The following ARHGEF18 variants were observed in gnomAD, a reference collection of about 807,000 sequenced individuals.
The protein encoded by ARHGEF18 is rho guanine nucleotide exchange factor 18.
ARHGEF18 carries 93 observed loss-of-function variants against 155.7 expected under a neutral mutation model. The ratio of observed to expected loss-of-function variants is 0.60; its 90% confidence interval spans 0.50 to 0.71. The LOEUF is 0.71. Ranked by LOEUF, ARHGEF18 falls within the 30% of genes least tolerant of loss-of-function variation. The pLI is 0.00. For synonymous variants in ARHGEF18, 742 were observed against 753.1 expected, an observed-to-expected ratio of 0.99 and a Z score of 0.24; for missense variants, 1,593 against 1,816.1, an observed-to-expected ratio of 0.88 and a Z score of 2.23.
chr19:7,359,074 T>C (rs1969439586), intron 1 of ARHGEF18, among the ~76,000 whole-genome samples: 1 of 152,024 alleles, frequency 6.6e-6, no homozygotes, highest in Non-Finnish European at 1.5e-5. Context: ...GGAAGAGTGG[T>C]AGGAACAGCA....
intron 27 of ARHGEF18, among the ~76,000 whole-genome samples, chr19:7,469,474 A>G (rs1976880190): frequency 6.6e-6 from 1 of 152,034 alleles, no homozygotes; most frequent in Non-Finnish European, 1.5e-5. Flanking sequence ...GCCTCTGCTC[A>G]TTGTCCCAGT....
Position 7,380,918 on chromosome 19 carries a change from G to T in ARHGEF18, c.646G>T (p.Ala216Ser), listed in dbSNP as rs1970703941. The T allele has an allele frequency of 8.1e-7, 1 of 1,232,036 alleles. No homozygotes were observed. The allele number at this position is 1,232,036 out of a possible 1,614,324, so 76.3% of individuals were successfully genotyped here. ...TATCTGTCCCCTCTGATCCTGCAGGGCCCGGCAGAGGGCTTGCATGTCAGC... is the reference window on the plus strand; with the variant it reads ...TATCTGTCCCCTCTGATCCTGCAGGTCCCGGCAGAGGGCTTGCATGTCAGC... ...VLQELRQYHG[A>S]RQRACMSASP... The change falls in exon 8 of 29, where the codon GCC (alanine) becomes TCC (serine). Residue 216 changes from alanine (A) to serine (S), a missense_variant and splice_region_variant. Transcript: ENST00000668164.
rs1019695738 is a variant in ARHGEF18 at position 7,440,451 on chromosome 19, C to G, written c.1075C>G (p.Pro359Ala). Residue 359 changes from proline (P) to alanine (A), a missense_variant, in exon 11 of 29, where the codon CCG (proline) becomes GCG (alanine). Transcript: ENST00000668164. This position sits in a 1 kb window ranked among gnomAD's most constrained non-coding sequence, Gnocchi z 5.4. ...TCAGAAAGGGGGTCCCCAGCCAACA[C>G]CGAGCCCGGCTGGCCCTGGGACGCA... ...VSQKGGPQPT[P>A]SPAGPGTQLG... is the part of the protein sequence containing the mutation. 1.9e-6 allele frequency: 3 copies of G among 1,600,178 alleles called. No homozygotes were observed. The highest frequency in any genetic ancestry group is 2.7e-5 in the African/African-American group (2 of 74,928).
Position 7,444,511 on chromosome 19 carries a change from CCTTT to C in ARHGEF18, c.1611+61_1611+64del, listed in dbSNP as rs1460463342. 2.5e-6 allele frequency: 4 copies of C among 1,585,714 alleles called. No individual in the cohort carries two copies. Among genetic ancestry groups the C allele is most frequent in the Non-Finnish European group, 3.4e-6 (4 of 1,165,606 alleles). Reference sequence around the variant, plus strand: ...TCAAAGCCTCTGCCTTGTCTCTGTTCCTTTCTTCTTTTTTTCTGAGATAGGGTCT... The same window carrying C: ...TCAAAGCCTCTGCCTTGTCTCTGTTCCTTCTTTTTTTCTGAGATAGGGTCT... On this transcript the variant is annotated intron_variant, in intron 14 of 28. Transcript: ENST00000668164. This position sits in a 1 kb window ranked among gnomAD's most constrained non-coding sequence, Gnocchi z 4.7.
chr19:7,386,725 C>G (rs1971103010), intron 10 of ARHGEF18, among the ~76,000 whole-genome samples: 1 of 152,028 alleles, frequency 6.6e-6, no homozygotes. Context: ...TGCATGCCTG[C>G]CCCCATCTGA....
chr19:7,352,113 A>C (rs1189986111), intron 1 of ARHGEF18, among the ~76,000 whole-genome samples: 2 of 152,118 alleles, frequency 1.3e-5, no homozygotes, highest in Non-Finnish European at 2.9e-5. Context: ...GTCTGATTAA[A>C]TGCCAGGCCT....
chr19:7,349,762 C>T (rs1969112598), intron 1 of ARHGEF18, among the ~76,000 whole-genome samples: 1 of 151,974 alleles, frequency 6.6e-6, no homozygotes, highest in South Asian at 2.1e-4. Flanking sequence ...AAAAGAAAAG[C>T]AAAGAAAGGA....
chr19:7,422,446 G>C (rs1213919387), intron 10 of ARHGEF18, among the ~76,000 whole-genome samples: 2 of 148,918 alleles, frequency 1.3e-5, no homozygotes, highest in Non-Finnish European at 3.0e-5. Context: ...CTTGCCCACT[G>C]TCCTATCCTG....
rs956078925 is a variant in ARHGEF18, at chr19:7,463,129, C to A, written c.2636-689C>A. ...GATTATAGGCGTGAGCCACCGCGCC[C>A]TGCCTCAATCTGCTCTTTCAACAGT... On this transcript the variant is annotated intron_variant, in intron 21 of 28. Coordinates refer to ENST00000668164, the MANE Select transcript of ARHGEF18 (RefSeq NM_001367823.1). This position sits in a 1 kb window ranked among gnomAD's most constrained non-coding sequence, Gnocchi z 5.2. Among the ~76,000 whole-genome samples the A allele has an allele frequency of 6.6e-6, 1 of 152,144 alleles. No individual in the cohort carries two copies. The highest frequency in any genetic ancestry group is 2.1e-4 in the South Asian group (1 of 4,834).
intron 2 of ARHGEF18, among the ~76,000 whole-genome samples, chr19:7,368,450 G>C (rs970043450): frequency 6.6e-6 from 1 of 152,120 alleles, no homozygotes; most frequent in Non-Finnish European, 1.5e-5. Flanking sequence ...TCTTGCCCAA[G>C]ATATGTCAGA....
intron 15 of ARHGEF18, among the ~76,000 whole-genome samples, chr19:7,448,953 T>G (rs977309676): frequency 2.0e-5 from 3 of 152,236 alleles, no homozygotes; most frequent in South Asian, 2.1e-4. Context: ...CAGGACTTGG[T>G]TCTGCAGTGG....
In ARHGEF18 at chr19:7,469,935, C is replaced by T. The variant is rs1394291528; in HGVS notation, c.3819C>T (p.Leu1273=). 1.2e-6 allele frequency: 2 copies of T among 1,613,026 alleles called. No individual in the cohort carries two copies. The highest frequency in any genetic ancestry group is 1.7e-6 in the Non-Finnish European group (2 of 1,179,858). The change falls in exon 28 of 29, where the codon CTC becomes CTT. Residue 1273 remains leucine (L), a synonymous_variant. Transcript: ENST00000668164. ...TCGACCTGAAGCAGCAGCTGCTGCTCAACAAGCTCATGGGGAAAGATGAGA... is the reference window on the plus strand; with the variant it reads ...TCGACCTGAAGCAGCAGCTGCTGCTTAACAAGCTCATGGGGAAAGATGAGA... The part of the protein sequence containing the change: ...ASFDLKQQLL[L]NKLMGKDEST...
intron 10 of ARHGEF18, among the ~76,000 whole-genome samples, chr19:7,399,835 C>G (rs187621495): frequency 6.7e-6 from 1 of 149,478 alleles, no homozygotes; most frequent in Admixed American, 6.7e-5. Context: ...AGCAGTGGTA[C>G]GATCACAGCT....
Position 7,447,082 on chromosome 19 carries a change from G to C in ARHGEF18, c.1651G>C (p.Gly551Arg). The C allele has an allele frequency of 6.2e-7, 1 of 1,613,744 alleles. No homozygotes were observed. Among genetic ancestry groups the C allele is most frequent in the Non-Finnish European group, 8.5e-7 (1 of 1,179,938 alleles). The change falls in exon 15 of 29, where the codon GGT becomes CGT. Residue 551 changes from glycine (G) to arginine (R), a missense_variant. Coordinates refer to ENST00000668164, the MANE Select transcript of ARHGEF18 (RefSeq NM_001367823.1). ...TGGGGAGAGAATGAAAGAAAAGTAC[G>C]GTGTGTTTTGTAGTGGCCACAATGA... ...ENGERMKEKY[G>R]VFCSGHNEAV...
In ARHGEF18 at chr19:7,411,038, G is replaced by A. The variant is rs115202257; in HGVS notation, c.967+27835G>A. ...TTTTTCAGCATCTGCAATATCTATAGGTGATATTGAAGGTCCCTCCATCCT... is the reference window on the plus strand; with the variant it reads ...TTTTTCAGCATCTGCAATATCTATAAGTGATATTGAAGGTCCCTCCATCCT... On this transcript the variant is annotated intron_variant, in intron 10 of 28. Coordinates refer to ENST00000668164, the MANE Select transcript of ARHGEF18 (RefSeq NM_001367823.1). Among the ~76,000 whole-genome samples the A allele has an allele frequency of 4.8e-3, 727 of 152,002 alleles. 7 individuals are homozygous for A. The highest frequency in any genetic ancestry group is 0.017 in the African/African-American group (695 of 41,472).
intron 2 of ARHGEF18, among the ~76,000 whole-genome samples, chr19:7,365,540 CT>C: frequency 6.6e-6 from 1 of 152,194 alleles, no homozygotes; most frequent in Non-Finnish European, 1.5e-5. Flanking sequence ...ATCTGGACCT[CT>C]TTGAAAGAGA....
intron 10 of ARHGEF18, among the ~76,000 whole-genome samples, chr19:7,432,152 GAA>G (rs1489371174): frequency 6.6e-6 from 1 of 152,124 alleles, no homozygotes; most frequent in Admixed American, 6.6e-5. Flanking sequence ...AATGAGGCAA[GAA>G]AGAGAAATCA....
intron 2 of ARHGEF18, among the ~76,000 whole-genome samples, chr19:7,367,815 T>TTA (rs1178248904): frequency 4.1e-5 from 5 of 121,252 alleles, no homozygotes; most frequent in African/African-American, 2.0e-4. Context: ...TATATATATT[T>TTA]TATATATATA....
chr19:7,459,787 TA>T, intron 19 of ARHGEF18, 115 bp from the exon 20 acceptor site: 1 of 842,082 alleles, frequency 1.2e-6, no homozygotes, highest in Non-Finnish European at 1.8e-6. Flanking sequence ...ACGAACAAGC[TA>T]AATCACTCCC....
Sources: allele counts gnomAD v4.1 joint callset (sites outside exome capture counted in the v4.1 genomes callset), GRCh38; gene constraint gnomAD v4.1.1; non-coding constraint Gnocchi (gnomAD v3.1); transcripts MANE v1.5; gene names NCBI Gene and HGNC (gene_info 2026-07-23, HGNC 2026-07-21).